Variants in HELZ observed in about 807,000 individuals in gnomAD.
HELZ encodes the protein helicase with zinc finger, also known as ATP-dependent RNA helicase with zinc finger domain.
In HELZ, 23 loss-of-function variants were observed where a neutral mutation model predicts 218.2. The ratio of observed to expected loss-of-function variants is 0.11; its 90% CI spans 0.08 to 0.15. The LOEUF is 0.15. HELZ is among the 10% of genes least tolerant of loss of function. The pLI is 1.00. For missense variants in HELZ, 1,813 were observed against 2,353.7 expected, an observed-to-expected ratio of 0.77 and a Z score of 4.75; for synonymous variants, 814 against 829.4, an observed-to-expected ratio of 0.98 and a Z score of 0.32.
At chr17:67,242,228 C>A (rs1894794070) in intron 2 of HELZ, among the ~76,000 whole-genome samples, 1 of 152,106 alleles carries the variant, frequency 6.6e-6, no homozygotes, top group South Asian at 2.1e-4. Context: ...CCAGCCTGAC[C>A]AACATGGTGA....
intron 6 of HELZ, among the ~76,000 whole-genome samples, chr17:67,201,558 G>A (rs1376920542): frequency 2.6e-5 from 4 of 152,162 alleles, no homozygotes; most frequent in Non-Finnish European, 2.9e-5. Context: ...AAGTTTGTAT[G>A]TACAAAATGG....
At chr17:67,167,883 A>C in intron 13 of HELZ, 87 bp from the exon 14 acceptor site, 1 of 879,468 alleles carries the variant, frequency 1.1e-6, no homozygotes, top group Non-Finnish European at 1.8e-6. Flanking sequence ...AATCAAATAT[A>C]AACATACCAA....
At chr17:67,150,272 G>C (rs976188692) in intron 18 of HELZ, 1 of 233,794 alleles carries the variant, frequency 4.3e-6, no homozygotes. Context: ...TGAGACTACG[G>C]GCATATGCCA....
intron 14 of HELZ, 37 bp downstream of exon 14, chr17:67,167,426 C>CA (rs757901718): frequency 3.5e-6 from 5 of 1,440,178 alleles, no homozygotes; most frequent in African/African-American, 1.4e-5. Flanking sequence ...AATGAGGCTA[C>CA]AGACCACTAT....
rs1486623796 is a variant in HELZ at position 67,108,182 on chromosome 17, T to C, written c.4724+310A>G. Among the ~76,000 whole-genome samples the C allele has an allele frequency of 6.6e-6, 1 of 152,202 alleles. No individual in the cohort carries two copies. Among genetic ancestry groups the C allele is most frequent in the Non-Finnish European group, 1.5e-5 (1 of 68,038 alleles). On this transcript the variant is annotated intron_variant, in intron 30 of 32. Coordinates refer to ENST00000358691, the MANE Select transcript of HELZ (RefSeq NM_014877.4). The surrounding 1 kb of genome is among the most constrained non-coding windows in gnomAD (Gnocchi z 4.1). Reference sequence around the variant, plus strand: ...TGTCTTTATTCATTCTTTGCAAGTATTACTACTAAATAAAAAAAGCTGCTC... The same window carrying C: ...TGTCTTTATTCATTCTTTGCAAGTACTACTACTAAATAAAAAAAGCTGCTC...
At chr17:67,128,935 C>A in intron 23 of HELZ, 80 bp from the exon 24 acceptor site, 1 of 1,098,622 alleles carries the variant, frequency 9.1e-7, no homozygotes, top group South Asian at 1.3e-5. Flanking sequence ...TAAAGATAAT[C>A]TCAAATTCCA....
chr17:67,195,612 T>C, intron 7 of HELZ, 142 bp from the exon 8 acceptor site: 2 of 566,144 alleles, frequency 3.5e-6, no homozygotes, highest in South Asian at 5.3e-5. Context: ...GCCAATGATT[T>C]TTGTTTTTTT....
At chr17:67,134,108 G>A (rs1450688503) in intron 23 of HELZ, among the ~76,000 whole-genome samples, 1 of 152,174 alleles carries the variant, frequency 6.6e-6, no homozygotes, top group Non-Finnish European at 1.5e-5. Context: ...TCTCGACTAG[G>A]CGCGGTGGCT....
intron 9 of HELZ, among the ~76,000 whole-genome samples, chr17:67,191,257 T>A (rs985257576): frequency 1.3e-5 from 2 of 152,214 alleles, no homozygotes; most frequent in Non-Finnish European, 2.9e-5. Context: ...TTAACTTGCT[T>A]GAAGCTTTAA....
chr17:67,151,012 TAA>T, intron 18 of HELZ, 32 bp downstream of exon 18: 1 of 1,595,764 alleles, frequency 6.3e-7, no homozygotes, highest in African/African-American at 1.3e-5. Context: ...TCATAAGCCC[TAA>T]ACTTGTGAGA....
At chr17:67,149,558 G>A (rs1487440422) in intron 19 of HELZ, among the ~76,000 whole-genome samples, 2 of 151,796 alleles carry the variant, frequency 1.3e-5, no homozygotes, top group African/African-American at 4.8e-5. Context: ...GATCCTACAG[G>A]AATGATCATT....
chr17:67,204,861 G>C (rs1296412408), intron 5 of HELZ, among the ~76,000 whole-genome samples: 1 of 152,014 alleles, frequency 6.6e-6, no homozygotes, highest in Admixed American at 6.6e-5. Flanking sequence ...AATGTCTTGA[G>C]TGTCTTATAA....
At chr17:67,166,069 A>G (rs985823924) in intron 15 of HELZ, among the ~76,000 whole-genome samples, 10 of 152,200 alleles carry the variant, frequency 6.6e-5, no homozygotes, top group Admixed American at 1.3e-4. Flanking sequence ...CGGGAGTTCA[A>G]GGCTGTAATG....
intron 26 of HELZ, among the ~76,000 whole-genome samples, chr17:67,120,913 T>TA (rs2037590010): frequency 1.3e-5 from 2 of 152,244 alleles, no homozygotes; most frequent in Admixed American, 1.3e-4. Context: ...TAAATCATTT[T>TA]ATAGTATTTA....
At chr17:67,145,299 A>G (rs140299158) in intron 21 of HELZ, among the ~76,000 whole-genome samples, 163 of 152,342 alleles carry the variant, frequency 1.1e-3, no homozygotes, top group Middle Eastern at 3.4e-3. Context: ...AGAGAATTAT[A>G]TAAGTTGGAG....
chr17:67,227,739 T>G (rs980171289), intron 3 of HELZ, among the ~76,000 whole-genome samples: 13 of 152,278 alleles, frequency 8.5e-5, no homozygotes, highest in Admixed American at 7.2e-4. Flanking sequence ...AAAAACAAAA[T>G]CAATCTTTCC....
intron 6 of HELZ, among the ~76,000 whole-genome samples, chr17:67,201,697 TC>T (rs2040172739): frequency 1.3e-5 from 2 of 152,188 alleles, no homozygotes; most frequent in Non-Finnish European, 2.9e-5. Context: ...AGCAAATTAC[TC>T]TTTACTCGTT....
intron 24 of HELZ, 144 bp downstream of exon 24, chr17:67,128,507 A>G: frequency 1.4e-6 from 1 of 720,094 alleles, no homozygotes; most frequent in Non-Finnish European, 2.5e-6. Flanking sequence ...GTCCACACTA[A>G]ACAAGCTCCT....
intron 5 of HELZ, among the ~76,000 whole-genome samples, chr17:67,214,259 CTT>C (rs777420102): frequency 0.01 from 888 of 87,650 alleles, 5 homozygotes; most frequent in African/African-American, 0.038. Flanking sequence ...ATTAATATTT[CTT>C]TTTTTTTTTT....
Sources: allele counts gnomAD v4.1 joint callset (sites outside exome capture counted in the v4.1 genomes callset), GRCh38; gene constraint gnomAD v4.1.1; non-coding constraint Gnocchi (gnomAD v3.1); transcripts MANE v1.5; gene names NCBI Gene and HGNC (gene_info 2026-07-23, HGNC 2026-07-21).